The following SLC37A3 variants were observed in gnomAD, a reference collection of about 807,000 sequenced individuals.
SLC37A3 encodes solute carrier family 37 member 3, also known as sugar phosphate exchanger 3.
In SLC37A3, 51 loss-of-function variants were observed where a neutral mutation model predicts 67.1. The observed-to-expected ratio is 0.76, with a 90% CI of 0.61 to 0.96. SLC37A3 has a LOEUF of 0.96. Among genes scored for constraint, SLC37A3 ranks in the 40% least tolerant of loss-of-function variants. SLC37A3 has a pLI of 0.00. For missense variants in SLC37A3, 508 were observed against 603.0 expected, an observed-to-expected ratio of 0.84 and a Z score of 1.65; for synonymous variants, 214 against 231.4, an observed-to-expected ratio of 0.92 and a Z score of 0.68.
chr7:140,355,269 C>T (rs1023663224), intron 7 of SLC37A3, among the ~76,000 whole-genome samples: 1 of 151,658 alleles, frequency 6.6e-6, no homozygotes, highest in African/African-American at 2.4e-5. Flanking sequence ...TGGAGTGAAG[C>T]GGTGCGACCT....
intron 13 of SLC37A3, 181 bp from the exon 14 acceptor site, chr7:140,337,530 C>T: frequency 2.2e-6 from 1 of 444,828 alleles, no homozygotes; most frequent in Non-Finnish European, 4.0e-6. Context: ...CCCATTTAAG[C>T]ATGCAGAGTC....
chr7:140,373,198 C>T (rs996921244), intron 3 of SLC37A3, among the ~76,000 whole-genome samples: 2 of 151,750 alleles, frequency 1.3e-5, no homozygotes, highest in Non-Finnish European at 2.9e-5. Flanking sequence ...ATCTGCCCCA[C>T]CCCCTCCTCG....
rs770592111 is a variant in SLC37A3 at position 140,351,285 on chromosome 7, AG to A, written c.869del (p.Pro290LeufsTer13). 2 of 1,614,078 alleles carry A rather than the reference AG, an allele frequency of 1.2e-6. No homozygotes were observed. Among genetic ancestry groups the A allele is most frequent in the Non-Finnish European group, 1.7e-6 (2 of 1,179,936 alleles). On this transcript the variant is annotated frameshift_variant, in exon 9 of 15. Coordinates refer to ENST00000326232, the MANE Select transcript of SLC37A3 (RefSeq NM_207113.3). LOFTEE classifies it high-confidence loss of function. ...AISFYQACCL[P>X]GVIPYSLAYA... ...AAGCGGTCCTTACCGGTATGACTCC[AG>A]GAAGGCAACATGCCTGGTAGAAGCT...
intron 10 of SLC37A3, 74 bp downstream of exon 10, chr7:140,348,552 C>G: frequency 6.7e-7 from 1 of 1,489,126 alleles, no homozygotes; most frequent in Non-Finnish European, 8.9e-7. Context: ...TTAAATGAGG[C>G]CAGATTTCAC....
rs1796994425 is a variant in SLC37A3 at position 140,355,663 on chromosome 7, C to A, written c.618+5G>T. ...AGAGCACCAGAGCTAGAAAACAATA[C>A]CTACCTCATAACCATACTGAAGAAC... On this transcript the variant is annotated splice_donor_5th_base_variant and intron_variant, in intron 7 of 14. Coordinates refer to ENST00000326232, the MANE Select transcript of SLC37A3 (RefSeq NM_207113.3). 4 of 1,611,832 alleles carry A rather than the reference C, an allele frequency of 2.5e-6. No homozygotes were observed. The highest frequency in any genetic ancestry group is 3.4e-6 in the Non-Finnish European group (4 of 1,178,198).
At chr7:140,381,604 A>C (rs1287740560) in intron 2 of SLC37A3, among the ~76,000 whole-genome samples, 1 of 152,066 alleles carries the variant, frequency 6.6e-6, no homozygotes, top group Non-Finnish European at 1.5e-5. Context: ...AGAAATGTCA[A>C]AAAAAGCTGA....
chr7:140,337,098 C>CAAAAAAAAAAAA (rs1172096190), intron 14 of SLC37A3, among the ~76,000 whole-genome samples, 186 bp downstream of exon 14: 2 of 69,644 alleles, frequency 2.9e-5, no homozygotes, highest in African/African-American at 5.5e-5. Flanking sequence ...GACTCTGCCT[C>CAAAAAAAAAAAA]AAAAAAAAAA....
chr7:140,346,494 C>T (rs1252889546), intron 10 of SLC37A3, among the ~76,000 whole-genome samples: 2 of 152,220 alleles, frequency 1.3e-5, no homozygotes, highest in Non-Finnish European at 2.9e-5. Context: ...ACAAATCAGA[C>T]AGCAAAACAT....
rs747330722 is a variant in SLC37A3, at chr7:140,359,494, GTGC to G, written c.376-712_376-710del. Among the ~76,000 whole-genome samples, 7 of 152,334 alleles carry G rather than the reference GTGC, an allele frequency of 4.6e-5. No individual in the cohort carries two copies. The East Asian group carries it at 1.3e-3, about 29-fold the overall frequency. ...GCCACCTTTCCCGGAGCAGTGCCAG[GTGC>G]TGCTATGGGCAGAGGCACGGGGCGC... On this transcript the variant is annotated intron_variant, in intron 5 of 14. Transcript: ENST00000326232.
chr7:140,362,425 G>C (rs1346911633), intron 5 of SLC37A3, among the ~76,000 whole-genome samples: 1 of 146,486 alleles, frequency 6.8e-6, no homozygotes, highest in Non-Finnish European at 1.5e-5. Flanking sequence ...AGGTGGGGGG[G>C]GGGGTCAGCC....
At chr7:140,383,627 G>A (rs917148324) in intron 1 of SLC37A3, among the ~76,000 whole-genome samples, 28 of 152,050 alleles carry the variant, frequency 1.8e-4, no homozygotes, top group Non-Finnish European at 3.8e-4. Flanking sequence ...CAAAGAAACA[G>A]AGAAAGAGGT....
At chr7:140,372,077 C>G (rs892187318) in intron 3 of SLC37A3, among the ~76,000 whole-genome samples, 5 of 152,092 alleles carry the variant, frequency 3.3e-5, no homozygotes, top group Non-Finnish European at 7.4e-5. Context: ...GTCTCAAACT[C>G]CTGACCTCGT....
At chr7:140,350,168 A>C (rs1468543767) in intron 9 of SLC37A3, among the ~76,000 whole-genome samples, 1 of 152,168 alleles carries the variant, frequency 6.6e-6, no homozygotes, top group Non-Finnish European at 1.5e-5. Context: ...ACAACAGCCC[A>C]ATGTTACAGG....
chr7:140,365,919 CTTTTTTTTTTTTTTTTT>C (rs71170981), intron 4 of SLC37A3, among the ~76,000 whole-genome samples: 601 of 43,892 alleles, frequency 0.014, 5 homozygotes, highest in African/African-American at 0.052. Context: ...ACAATACATG[CTTTTTTTTTTTTTTTTT>C]TTTTTTTTTT....
In SLC37A3 at chr7:140,343,458, G is replaced by A. The variant is rs1398507736; in HGVS notation, c.1280C>T (p.Thr427Ile). The change falls in exon 13 of 15, where the codon ACA (threonine) becomes ATA (isoleucine). Residue 427 changes from threonine to isoleucine, a missense_variant. Transcript: ENST00000326232. The stretch of plus-strand genomic sequence containing the variant: ...GCTCCCCGAACCATCCACAATTCCT[G>A]TGACAGTGGCCAAAGCTTCACTGCT... ...QRSSEALATV[T>I]GIVDGSGSIG... 2.5e-6 allele frequency: 4 copies of A among 1,613,960 alleles called. No homozygotes were observed. The African/African-American group carries it at 4.0e-5, about 16-fold the overall frequency.
At chr7:140,355,925 T>G (rs1197179879) in intron 6 of SLC37A3, among the ~76,000 whole-genome samples, 161 bp from the exon 7 acceptor site, 1 of 152,196 alleles carries the variant, frequency 6.6e-6, no homozygotes, top group Non-Finnish European at 1.5e-5. Context: ...CTGGGCGCAG[T>G]GGCTCACACC....
intron 4 of SLC37A3, among the ~76,000 whole-genome samples, chr7:140,365,120 A>G (rs1217007182): frequency 6.6e-6 from 1 of 152,200 alleles, no homozygotes; most frequent in Non-Finnish European, 1.5e-5. Context: ...AGCTGGAGAC[A>G]GGTTCTGCCT....
At chr7:140,338,709 T>G (rs1241738075) in intron 13 of SLC37A3, among the ~76,000 whole-genome samples, 1 of 152,058 alleles carries the variant, frequency 6.6e-6, no homozygotes, top group East Asian at 1.9e-4. Flanking sequence ...TGACCTCAGG[T>G]GATTCACTCA....
chr7:140,361,989 G>A (rs1181910524), intron 5 of SLC37A3, among the ~76,000 whole-genome samples: 3 of 133,376 alleles, frequency 2.2e-5, no homozygotes, highest in South Asian at 2.8e-4. Context: ...GGGAAGTGAG[G>A]AGCGTCTCTG....
Sources: allele counts gnomAD v4.1 joint callset (sites outside exome capture counted in the v4.1 genomes callset), GRCh38; gene constraint gnomAD v4.1.1; transcripts MANE v1.5; gene names NCBI Gene and HGNC (gene_info 2026-07-23, HGNC 2026-07-21).